The following PASD1 variants were observed in gnomAD, a reference collection of about 807,000 sequenced individuals.
PASD1 encodes the protein PAS domain containing repressor 1.
PASD1 carries 13 observed loss-of-function variants against 58.8 expected under a neutral mutation model. That is an observed-to-expected ratio of 0.22 (90% confidence interval 0.14 to 0.35). The LOEUF (loss-of-function observed/expected upper bound fraction) is 0.35, where lower values mean the gene tolerates loss of function less well. Ranked by LOEUF, PASD1 falls within the 10% of genes least tolerant of loss-of-function variation. The probability of loss-of-function intolerance (pLI) is 1.00; values close to 1 mark genes in which losing one functional copy is unlikely to be tolerated. For missense variants in PASD1, 734 were observed against 568.3 expected (o/e 1.29, Z -2.96); for synonymous variants, 236 against 216.7 (o/e 1.09, Z -0.78).
At chrX:151,579,653 CATTT>C (rs1364351632) in intron 1 of PASD1, among the ~76,000 whole-genome samples, 3 of 111,699 alleles carry the variant, frequency 2.7e-5, no homozygotes, top group African/African-American at 9.8e-5. Context: ...TTATTTCATT[CATTT>C]ATTTATTCAT....
chrX:151,572,919 G>T (rs975805304), intron 1 of PASD1, among the ~76,000 whole-genome samples: 1 of 102,267 alleles, frequency 9.8e-6, no homozygotes, highest in African/African-American at 3.6e-5. Flanking sequence ...AGGAAGCATG[G>T]TATTGGCTTC....
chrX:151,652,296 G>C (rs1201745276), intron 9 of PASD1, among the ~76,000 whole-genome samples: 1 of 111,357 alleles, frequency 9.0e-6, no homozygotes, highest in African/African-American at 3.3e-5. Flanking sequence ...CACTTTGGGA[G>C]GCCGAGGCAG....
At chrX:151,629,595 T>A (rs1178904315) in intron 8 of PASD1, among the ~76,000 whole-genome samples, 3 of 111,773 alleles carry the variant, frequency 2.7e-5, no homozygotes, top group Non-Finnish European at 5.6e-5. Context: ...CTTCCTTCAT[T>A]AGTTTCTCTA....
At chrX:151,586,510 A>G (rs181675471) in intron 1 of PASD1, among the ~76,000 whole-genome samples, 66 of 111,778 alleles carry the variant, frequency 5.9e-4, no homozygotes, top group Non-Finnish European at 1.0e-3. Flanking sequence ...AAATGGGAGT[A>G]ACAGCACCTA....
Position 151,671,141 on chromosome X carries a change from A to T in PASD1, c.1175A>T (p.His392Leu). The T allele has an allele frequency of 8.2e-7, 1 of 1,212,137 alleles. No homozygotes were observed. Among genetic ancestry groups the T allele is most frequent in the Non-Finnish European group, 1.1e-6 (1 of 895,547 alleles). The change falls in exon 12 of 16, where the codon CAT (histidine) becomes CTT (leucine). Residue 392 changes from histidine (H) to leucine (L), a missense_variant. Coordinates refer to ENST00000370357, the MANE Select transcript of PASD1 (RefSeq NM_173493.3). ...EQLEERTWLLHDAIQNQQNAL... is the reference protein window; with the variant it reads ...EQLEERTWLLLDAIQNQQNAL... Reference sequence around the variant, plus strand: ...CTAGAAGAGAGGACTTGGTTGCTGCATGATGCCATCCAAAACCAGCAGAAT... The same window carrying T: ...CTAGAAGAGAGGACTTGGTTGCTGCTTGATGCCATCCAAAACCAGCAGAAT...
At chrX:151,637,498 T>C (rs1302112883) in intron 8 of PASD1, among the ~76,000 whole-genome samples, 1 of 111,414 alleles carries the variant, frequency 9.0e-6, no homozygotes, top group Non-Finnish European at 1.9e-5. Flanking sequence ...TGCCTCAGCC[T>C]CCTGGTAGCC....
rs761049161 is a variant in PASD1 at position 151,614,544 on chromosome X, G to A, written c.207+2791G>A. 7.1e-5 allele frequency among the ~76,000 whole-genome samples: 8 copies of A among 112,087 alleles called. No homozygotes were observed. The South Asian group carries it at 2.6e-3, about 37-fold the overall frequency. ...TGGTTGTGTTAGCAAAAAGTTTTGG[G>A]AGAGGATATGAAGAAATTGAAACCC... On this transcript the variant is annotated intron_variant, in intron 4 of 15. Transcript: ENST00000370357.
At chrX:151,640,336 TATTA>T (rs1265600908) in intron 8 of PASD1, among the ~76,000 whole-genome samples, 1 of 112,460 alleles carries the variant, frequency 8.9e-6, no homozygotes, top group African/African-American at 3.2e-5. Flanking sequence ...TAGTGACAAA[TATTA>T]ATTCATAAAA....
intron 8 of PASD1, among the ~76,000 whole-genome samples, chrX:151,628,623 A>G (rs2013825326): frequency 2.7e-5 from 3 of 111,601 alleles, no homozygotes; most frequent in South Asian, 7.6e-4. Context: ...GTCAGGTAGC[A>G]TGATGCCTCC....
chrX:151,637,591 T>C (rs1376212856), intron 8 of PASD1, among the ~76,000 whole-genome samples: 1 of 111,288 alleles, frequency 9.0e-6, no homozygotes. Flanking sequence ...GGTCTCAACC[T>C]CCTTACCTCA....
At chrX:151,648,871 A>G (rs978878467) in intron 9 of PASD1, among the ~76,000 whole-genome samples, 169 bp downstream of exon 9, 2 of 112,091 alleles carry the variant, frequency 1.8e-5, no homozygotes, top group African/African-American at 6.5e-5. Context: ...AGTAACTGCC[A>G]GACTTCGAAT....
At chrX:151,629,888 A>G (rs2013845301) in intron 8 of PASD1, among the ~76,000 whole-genome samples, 1 of 112,165 alleles carries the variant, frequency 8.9e-6, no homozygotes. Context: ...AAAGATACTC[A>G]TATTTTATTT....
chrX:151,675,862 A>G (rs1376353428), intron 15 of PASD1, 135 bp from the exon 16 acceptor site: 3 of 675,519 alleles, frequency 4.4e-6, no homozygotes, highest in South Asian at 2.7e-5. Flanking sequence ...GTCTCCCATC[A>G]CCTTGCAGGC....
chrX:151,582,176 C>T (rs765220881), intron 1 of PASD1, among the ~76,000 whole-genome samples: 73 of 109,369 alleles, frequency 6.7e-4, no homozygotes, highest in African/African-American at 2.3e-3. Flanking sequence ...TTAGTAGAGA[C>T]GGGGTTTCAC....
Position 151,623,027 on chromosome X carries a change from T to C in PASD1, c.509T>C (p.Val170Ala), listed in dbSNP as rs766579845. ...CVPQEDRLYLVGNVCILRTQL... is the reference protein window; with the variant it reads ...CVPQEDRLYLAGNVCILRTQL... ...CCTCAGGAGGATCGGCTTTATCTTG[T>C]GGGAAATGTTTGCATTCTCAGGACT... Residue 170 changes from valine to alanine, a missense_variant, in exon 7 of 16, where the codon GTG becomes GCG. Coordinates refer to ENST00000370357, the MANE Select transcript of PASD1 (RefSeq NM_173493.3). 23 of 1,207,644 alleles carry C rather than the reference T, an allele frequency of 1.9e-5. No homozygotes were observed. The highest frequency in any genetic ancestry group is 2.6e-5 in the Non-Finnish European group (23 of 893,526).
chrX:151,597,564 A>G (rs888571416), intron 1 of PASD1, among the ~76,000 whole-genome samples: 5 of 112,006 alleles, frequency 4.5e-5, no homozygotes, highest in Non-Finnish European at 9.4e-5. Flanking sequence ...ATCTTGTATA[A>G]CAATGCTTTA....
chrX:151,577,045 C>T (rs2124226068), intron 1 of PASD1, among the ~76,000 whole-genome samples: 1 of 111,663 alleles, frequency 9.0e-6, no homozygotes, highest in East Asian at 2.8e-4. Flanking sequence ...TTACATGAGA[C>T]AGCCCAGTGC....
At position 151,641,848 on chromosome X, in the gene PASD1, G is replaced by A. The variant is rs928766691; in HGVS notation, c.630-6767G>A. 1.1e-4 allele frequency among the ~76,000 whole-genome samples: 12 copies of A among 110,740 alleles called. No homozygotes were observed. In the South Asian group the frequency reaches 1.2e-3, roughly 11 times the overall value. On this transcript the variant is annotated intron_variant, in intron 8 of 15. Coordinates refer to ENST00000370357, the MANE Select transcript of PASD1 (RefSeq NM_173493.3). ...CACACACACACACACACACGCGCGCGCGCGTATACCAGACATTTTCCTTCC... is the reference window on the plus strand; with the variant it reads ...CACACACACACACACACACGCGCGCACGCGTATACCAGACATTTTCCTTCC...
intron 4 of PASD1, among the ~76,000 whole-genome samples, chrX:151,619,581 C>T (rs2013679016): frequency 9.0e-6 from 1 of 111,053 alleles, no homozygotes; most frequent in South Asian, 3.8e-4. Context: ...TGTGTGGTGT[C>T]CTGGAAGTCA....
Sources: gnomAD v4.1 joint callset for allele counts (sites outside exome capture counted in the v4.1 genomes callset) on GRCh38, gnomAD v4.1.1 for gene constraint, MANE v1.5 for transcripts, NCBI Gene and HGNC (gene_info 2026-07-23, HGNC 2026-07-21) for gene names.